SLC6A11: variants seen among roughly 807,000 people sequenced by gnomAD.
SLC6A11 encodes solute carrier family 6 member 11, also known as sodium- and chloride-dependent GABA transporter 3.
Under a neutral mutation model 74.8 loss-of-function variants are expected in SLC6A11, and 25 were observed. The ratio of observed to expected loss-of-function variants is 0.33; its 90% confidence interval spans 0.24 to 0.47. SLC6A11 has a LOEUF of 0.47. Among genes scored for constraint, SLC6A11 ranks in the 20% least tolerant of loss-of-function variants. The pLI, the probability that SLC6A11 is intolerant of heterozygous loss-of-function variation, is 1.00. For synonymous variants in SLC6A11, 330 were observed against 330.2 expected, an observed-to-expected ratio of 1.00 and a Z score of 0.01; for missense variants, 574 against 837.0, an observed-to-expected ratio of 0.69 and a Z score of 3.88.
At chr3:10,840,125 A>G (rs1226275474) in intron 4 of SLC6A11, among the ~76,000 whole-genome samples, 2 of 152,060 alleles carry the variant, frequency 1.3e-5, no homozygotes, top group African/African-American at 2.4e-5. Flanking sequence ...TCTGTCATCC[A>G]CAGAAAGCAG....
intron 4 of SLC6A11, among the ~76,000 whole-genome samples, chr3:10,840,026 C>A (rs1694417438): frequency 6.6e-6 from 1 of 152,164 alleles, no homozygotes; most frequent in Non-Finnish European, 1.5e-5. Context: ...TCTGCCCCAC[C>A]CTGACCGTTC....
At chr3:10,819,298 TAC>T (rs1323935411) in intron 1 of SLC6A11, among the ~76,000 whole-genome samples, 165 bp from the exon 2 acceptor site, 1 of 152,206 alleles carries the variant, frequency 6.6e-6, no homozygotes, top group East Asian at 1.9e-4. Context: ...GAGGTAGACT[TAC>T]AGAAACCTAG....
intron 5 of SLC6A11, among the ~76,000 whole-genome samples, chr3:10,874,037 G>C (rs376364084): frequency 6.6e-6 from 1 of 151,220 alleles, no homozygotes; most frequent in African/African-American, 2.4e-5. Context: ...CCTATCCTAC[G>C]TTAGTCTAGC....
chr3:10,862,317 C>T (rs1694711747), intron 5 of SLC6A11, among the ~76,000 whole-genome samples: 1 of 152,136 alleles, frequency 6.6e-6, no homozygotes. Context: ...GTTTATGTTG[C>T]TTGGGCTTGT....
At chr3:10,883,195 CTGTTA>C (rs1434680645) in intron 6 of SLC6A11, among the ~76,000 whole-genome samples, 1 of 152,220 alleles carries the variant, frequency 6.6e-6, no homozygotes, top group Non-Finnish European at 1.5e-5. Context: ...ATTCCGTGGT[CTGTTA>C]TAATTTTCTA....
At chr3:10,824,695 T>C (rs1399244263) in intron 4 of SLC6A11, 2 of 152,208 alleles carry the variant, frequency 1.3e-5, no homozygotes, top group Admixed American at 1.3e-4. Context: ...GAGTATTTCA[T>C]TGTATGAATG....
At position 10,816,872 on chromosome 3, in the gene SLC6A11, G is replaced by T. The variant is rs866157157; in HGVS notation, c.256+351G>T. Among the ~76,000 whole-genome samples, 13 of 152,334 alleles carry T rather than the reference G, an allele frequency of 8.5e-5. No individual in the cohort carries two copies. The highest frequency in any genetic ancestry group is 3.1e-4 in the African/African-American group (13 of 41,584). On this transcript the variant is annotated intron_variant, in intron 1 of 13. Transcript: ENST00000254488. This position sits in a 1 kb window ranked among gnomAD's most constrained non-coding sequence, Gnocchi z 4.2. ...TTGGAGCCTCAGCTTTCCTAACTGG[G>T]AAAACGGCCTGTGGGGAAGGGACTC...
intron 10 of SLC6A11, 142 bp downstream of exon 10, chr3:10,929,481 G>T (rs2272398): frequency 0.016 from 14,374 of 878,966 alleles, 657 homozygotes; most frequent in East Asian, 0.16. Context: ...GCGGGTCATG[G>T]TGAGGATCTA....
intron 8 of SLC6A11, among the ~76,000 whole-genome samples, chr3:10,921,472 G>A (rs563596705): frequency 6.6e-6 from 1 of 152,068 alleles, no homozygotes; most frequent in African/African-American, 2.4e-5. Flanking sequence ...ATAATAAGAG[G>A]TAGAGCTAAA....
chr3:10,898,263 G>T (rs1262026095), intron 6 of SLC6A11, among the ~76,000 whole-genome samples: 1 of 152,132 alleles, frequency 6.6e-6, no homozygotes, highest in African/African-American at 2.4e-5. Context: ...TTCGGCTCCT[G>T]GTTACTTATG....
intron 5 of SLC6A11, among the ~76,000 whole-genome samples, chr3:10,861,475 C>A (rs888028478): frequency 6.6e-6 from 1 of 152,076 alleles, no homozygotes. Context: ...AGTGATTTCA[C>A]CACTGCACTC....
At chr3:10,874,898 T>A (rs1388710895) in intron 5 of SLC6A11, 63 bp from the exon 6 acceptor site, 8 of 1,507,958 alleles carry the variant, frequency 5.3e-6, no homozygotes, top group Non-Finnish European at 7.2e-6. Context: ...GACATTGTGC[T>A]GAGTGAAGTA....
In SLC6A11 at chr3:10,927,536, C is replaced by A. The variant is rs192783309; in HGVS notation, c.1233+1420C>A. Among the ~76,000 whole-genome samples the A allele has an allele frequency of 6.2e-4, 94 of 152,352 alleles. 2 individuals carry two copies. The highest frequency in any genetic ancestry group is 3.4e-3 in the Middle Eastern group (1 of 294). On this transcript the variant is annotated intron_variant, in intron 9 of 13. Coordinates refer to ENST00000254488, the MANE Select transcript of SLC6A11 (RefSeq NM_014229.3). ...AGAGATACTGAGTGACTTGCTCGGT[C>A]GTGTACCCGGGCCCGTCTGCCTCTT...
chr3:10,831,208 G>A (rs981560472), intron 4 of SLC6A11, among the ~76,000 whole-genome samples: 1 of 151,972 alleles, frequency 6.6e-6, no homozygotes, highest in Non-Finnish European at 1.5e-5. Context: ...CTAAACAACA[G>A]CAACAGAAGC....
chr3:10,910,094 C>T (rs1224746383), intron 6 of SLC6A11, among the ~76,000 whole-genome samples: 3 of 152,198 alleles, frequency 2.0e-5, no homozygotes, highest in Non-Finnish European at 2.9e-5. Flanking sequence ...TGCCCCTGCA[C>T]TTCATGAAAA....
intron 6 of SLC6A11, among the ~76,000 whole-genome samples, chr3:10,880,231 T>TTG (rs1168678119): frequency 6.6e-6 from 1 of 152,208 alleles, no homozygotes; most frequent in African/African-American, 2.4e-5. Context: ...AGTTTCCATC[T>TTG]TGTATCTCTT....
At chr3:10,850,802 C>A (rs1462922325) in intron 5 of SLC6A11, among the ~76,000 whole-genome samples, 1 of 152,162 alleles carries the variant, frequency 6.6e-6, no homozygotes, top group African/African-American at 2.4e-5. Flanking sequence ...TTCATCCCTG[C>A]AAGCTGGCTG....
intron 3 of SLC6A11, among the ~76,000 whole-genome samples, chr3:10,821,511 A>G (rs985047952): frequency 2.0e-5 from 3 of 152,354 alleles, no homozygotes; most frequent in African/African-American, 4.8e-5. Context: ...CAAATAGTCC[A>G]TGGAGGAATA....
chr3:10,938,239 C>T lies in SLC6A11; in HGVS notation c.1747-11C>T, dbSNP rs1559590713. ...ATCACTCAGATCTTCCCCTCCTCTC[C>T]AACCATCCAGAAACTCCAGAAGTTG... On this transcript the variant is annotated splice_polypyrimidine_tract_variant and intron_variant, in intron 13 of 13. Coordinates refer to ENST00000254488, the MANE Select transcript of SLC6A11 (RefSeq NM_014229.3). 1.3e-6 allele frequency: 2 copies of T among 1,583,114 alleles called. No homozygotes were observed. Among genetic ancestry groups the T allele is most frequent in the Non-Finnish European group, 1.7e-6 (2 of 1,159,082 alleles).
Sources: gnomAD v4.1 joint callset for allele counts (sites outside exome capture counted in the v4.1 genomes callset) on GRCh38, gnomAD v4.1.1 for gene constraint, Gnocchi (gnomAD v3.1) non-coding constraint, MANE v1.5 for transcripts, NCBI Gene and HGNC (gene_info 2026-07-23, HGNC 2026-07-21) for gene names.